The following PTPRG variants were observed in gnomAD, a reference collection of about 807,000 sequenced individuals.
PTPRG encodes receptor-type tyrosine-protein phosphatase gamma.
In PTPRG, 102 loss-of-function variants were observed where a neutral mutation model predicts 165.3. The ratio of observed to expected loss-of-function variants is 0.62; its 90% CI spans 0.53 to 0.73. The LOEUF (loss-of-function observed/expected upper bound fraction) is 0.73, where lower values mean the gene tolerates loss of function less well. Ranked by LOEUF, PTPRG falls within the 30% of genes least tolerant of loss-of-function variation. The pLI is 0.00. For synonymous variants in PTPRG, 675 were observed against 669.5 expected, an observed-to-expected ratio of 1.01 and a Z score of -0.13; for missense variants, 1,866 against 1,861.4, an observed-to-expected ratio of 1.00 and a Z score of -0.05.
chr3:62,002,115 A>T (rs552529276), intron 3 of PTPRG, among the ~76,000 whole-genome samples: 1 of 152,358 alleles, frequency 6.6e-6, no homozygotes, highest in Admixed American at 6.5e-5. Context: ...TTTTGAATGC[A>T]ATAAAAAGGG....
chr3:61,819,437 AG>A (rs1341779286), intron 2 of PTPRG, among the ~76,000 whole-genome samples: 2 of 152,194 alleles, frequency 1.3e-5, no homozygotes. Context: ...TGGAGTGTCC[AG>A]TGAATTTGGG....
At chr3:61,923,692 A>ATTTTTTTT (rs71123241) in intron 2 of PTPRG, among the ~76,000 whole-genome samples, 1 of 100,876 alleles carries the variant, frequency 9.9e-6, no homozygotes, top group Non-Finnish European at 1.9e-5. Flanking sequence ...TATTTTTTGT[A>ATTTTTTTT]TTTTTTTTTT....
intron 2 of PTPRG, among the ~76,000 whole-genome samples, chr3:61,765,299 G>T (rs562515872): frequency 6.6e-6 from 1 of 152,180 alleles, no homozygotes. Flanking sequence ...ACTTCTGGTC[G>T]TGGTGAAAAG....
Position 62,271,342 on chromosome 3 carries a change from A to AC in PTPRG, c.3010-34dup, listed in dbSNP as rs536336000. 484 of 1,513,126 alleles carry AC rather than the reference A, an allele frequency of 3.2e-4. 5 individuals carry two copies. Among genetic ancestry groups the AC allele is most frequent in the South Asian group, 2.5e-3 (200 of 79,310 alleles). The allele number at this position is 1,513,126 out of a possible 1,614,324, so 93.7% of individuals were successfully genotyped here. On this transcript the variant is annotated intron_variant, in intron 20 of 29. Coordinates refer to ENST00000474889, the MANE Select transcript of PTPRG (RefSeq NM_002841.4). The surrounding 1 kb of genome is among the most constrained non-coding windows in gnomAD (Gnocchi z 4.1). ...TACATTATTTTTTTCCAGAATGTCCACCCCCCCGCTTAAAGACATCTTTTT... is the reference window on the plus strand; with the variant it reads ...TACATTATTTTTTTCCAGAATGTCCACCCCCCCCGCTTAAAGACATCTTTTT...
At chr3:61,809,705 T>C (rs1217950628) in intron 2 of PTPRG, among the ~76,000 whole-genome samples, 2 of 152,186 alleles carry the variant, frequency 1.3e-5, no homozygotes, top group African/African-American at 4.8e-5. Context: ...TCTGTATTAA[T>C]ATGAAGGGGA....
intron 2 of PTPRG, among the ~76,000 whole-genome samples, chr3:61,979,189 A>G (rs1302602720): frequency 2.6e-5 from 4 of 152,184 alleles, no homozygotes; most frequent in Non-Finnish European, 4.4e-5. Context: ...TTTTGATGCA[A>G]TATGGTTGAT....
chr3:62,013,112 A>C (rs935831045), intron 4 of PTPRG, among the ~76,000 whole-genome samples: 2 of 152,110 alleles, frequency 1.3e-5, no homozygotes, highest in East Asian at 3.8e-4. Context: ...TTAAACAAGA[A>C]TATTTACTAT....
chr3:62,123,889 T>A lies in PTPRG; in HGVS notation c.616-8713T>A, dbSNP rs191082404. ...CCTTTGAAAAAAGGCAAAGTCTGCT[T>A]AGATTGGGCAATTCCTTGTGATTTT... On this transcript the variant is annotated intron_variant, in intron 5 of 29. Coordinates refer to ENST00000474889, the MANE Select transcript of PTPRG (RefSeq NM_002841.4). Among the ~76,000 whole-genome samples, 235 of 152,310 alleles carry A rather than the reference T, an allele frequency of 1.5e-3. 3 individuals are homozygous for A. The highest frequency in any genetic ancestry group is 0.013 in the South Asian group (64 of 4,822).
chr3:61,843,093 T>G (rs638104), intron 2 of PTPRG, among the ~76,000 whole-genome samples: 25,569 of 152,230 alleles, frequency 0.17, 2,202 homozygotes, highest in African/African-American at 0.21. Context: ...TTTTTATCTC[T>G]CAGTTTCATA....
chr3:61,866,981 G>A (rs1023748198), intron 2 of PTPRG, among the ~76,000 whole-genome samples: 1 of 152,136 alleles, frequency 6.6e-6, no homozygotes, highest in African/African-American at 2.4e-5. Context: ...TTCAGGGAAG[G>A]GTTTGACAGG....
At chr3:62,115,791 C>T (rs1258991468) in intron 5 of PTPRG, among the ~76,000 whole-genome samples, 1 of 151,984 alleles carries the variant, frequency 6.6e-6, no homozygotes, top group Non-Finnish European at 1.5e-5. Context: ...CCTGCCTTGG[C>T]CTCCCAAAGT....
rs1393871291 is a variant in PTPRG at position 61,954,535 on chromosome 3, AC to A, written c.191-35088del. The stretch of plus-strand genomic sequence containing the variant: ...CTATTAGATGAGGTAAGCAATAGGG[AC>A]CTTCAGAGATTCGTGGGGAGACGTT... On this transcript the variant is annotated intron_variant, in intron 2 of 29. Transcript: ENST00000474889. Among the ~76,000 whole-genome samples, 19 of 152,152 alleles carry A rather than the reference AC, an allele frequency of 1.2e-4. No homozygotes were observed. The South Asian group carries it at 3.7e-3, about 30-fold the overall frequency.
intron 2 of PTPRG, among the ~76,000 whole-genome samples, chr3:61,866,818 C>T (rs540236869): frequency 6.6e-6 from 1 of 151,902 alleles, no homozygotes; most frequent in Non-Finnish European, 1.5e-5. Flanking sequence ...AGGATGGTCT[C>T]GATCTCTTGA....
At chr3:62,277,177 TTTCTGTATCTTGA>T (rs1702258515) in intron 25 of PTPRG, 129 bp downstream of exon 25, 2 of 736,348 alleles carry the variant, frequency 2.7e-6, no homozygotes, top group Admixed American at 6.1e-5. Context: ...AGTATAGAGA[TTTCTGTATCTTGA>T]AACTTTTAAC....
At chr3:61,623,860 G>C (rs562700621) in intron 1 of PTPRG, among the ~76,000 whole-genome samples, 8 of 152,214 alleles carry the variant, frequency 5.3e-5, no homozygotes, top group Non-Finnish European at 1.2e-4. Flanking sequence ...CATCTGAGGA[G>C]ACAGGAGCAG....
At chr3:61,880,780 A>G (rs1035359888) in intron 2 of PTPRG, among the ~76,000 whole-genome samples, 2 of 152,118 alleles carry the variant, frequency 1.3e-5, no homozygotes, top group African/African-American at 4.8e-5. Context: ...GACTTGATTG[A>G]TTAGGTTGTA....
chr3:61,952,228 T>A (rs983652221), intron 2 of PTPRG, among the ~76,000 whole-genome samples: 10 of 151,894 alleles, frequency 6.6e-5, no homozygotes, highest in African/African-American at 2.2e-4. Context: ...GAGCCACCAC[T>A]GACTGTTAGG....
intron 27 of PTPRG, among the ~76,000 whole-genome samples, 169 bp from the exon 28 acceptor site, chr3:62,282,558 A>AC (rs893117578): frequency 2.2e-4 from 33 of 148,498 alleles, no homozygotes; most frequent in Admixed American, 4.0e-4. Context: ...AAAAAACAAA[A>AC]AAAAAAAACC....
chr3:62,223,319 T>C (rs1576154398), intron 13 of PTPRG, among the ~76,000 whole-genome samples: 1 of 152,246 alleles, frequency 6.6e-6, no homozygotes, highest in East Asian at 1.9e-4. Flanking sequence ...TCCACCACAC[T>C]GTTTATCTGT....
Sources: gnomAD v4.1 joint callset for allele counts (sites outside exome capture counted in the v4.1 genomes callset) on GRCh38, gnomAD v4.1.1 for gene constraint, Gnocchi (gnomAD v3.1) non-coding constraint, MANE v1.5 for transcripts, NCBI Gene and HGNC (gene_info 2026-07-23, HGNC 2026-07-21) for gene names.